The following ATP9A variants were observed in gnomAD, a reference collection of about 807,000 sequenced individuals.
The protein encoded by ATP9A is ATPase phospholipid transporting 9A.
ATP9A carries 52 observed loss-of-function variants against 144.1 expected under a neutral mutation model. The ratio of observed to expected loss-of-function variants is 0.36; its 90% CI spans 0.29 to 0.45. The LOEUF (loss-of-function observed/expected upper bound fraction) is 0.45, where lower values mean the gene tolerates loss of function less well. Ranked by LOEUF, ATP9A falls within the 20% of genes least tolerant of loss-of-function variation. The pLI, the probability that ATP9A is intolerant of heterozygous loss-of-function variation, is 1.00. For synonymous variants in ATP9A, 582 were observed against 557.4 expected (o/e 1.04, Z -0.62); for missense variants, 947 against 1,392.7 (o/e 0.68, Z 5.09).
At chr20:51,731,496 G>C (rs1468491479) in intron 1 of ATP9A, among the ~76,000 whole-genome samples, 1 of 151,548 alleles carries the variant, frequency 6.6e-6, no homozygotes, top group Admixed American at 6.6e-5. Context: ...GGCAGGCGGA[G>C]GTACCTGAGG....
intron 3 of ATP9A, among the ~76,000 whole-genome samples, chr20:51,717,548 T>C (rs774402543): frequency 6.6e-6 from 1 of 152,062 alleles, no homozygotes; most frequent in Non-Finnish European, 1.5e-5. Context: ...AGAAACAAGC[T>C]ATTAACCTGC....
intron 4 of ATP9A, among the ~76,000 whole-genome samples, chr20:51,702,638 G>C (rs1407491484): frequency 6.6e-6 from 1 of 152,006 alleles, no homozygotes; most frequent in Non-Finnish European, 1.5e-5. Flanking sequence ...AGTTAGAAGT[G>C]AGGAATCACT....
At chr20:51,687,266 C>T (rs1243161000) in intron 9 of ATP9A, among the ~76,000 whole-genome samples, 4 of 151,812 alleles carry the variant, frequency 2.6e-5, no homozygotes, top group African/African-American at 7.3e-5. Context: ...GACTGAGAGA[C>T]GTACCAAAGT....
At chr20:51,732,106 T>C (rs528820656) in intron 1 of ATP9A, among the ~76,000 whole-genome samples, 1 of 151,988 alleles carries the variant, frequency 6.6e-6, no homozygotes, top group African/African-American at 2.4e-5. Flanking sequence ...CACTCCCAGG[T>C]CACCCTCCCA....
rs117514608 is a variant in ATP9A at position 51,621,942 on chromosome 20, G to A, written c.2115+132C>T. 2,083 of 738,338 alleles carry A rather than the reference G, an allele frequency of 2.8e-3. 3 individuals are homozygous for A. The highest frequency in any genetic ancestry group is 4.3e-3 in the Non-Finnish European group (1,871 of 436,812). The allele number at this position is 738,338 out of a possible 1,614,324, so 45.7% of individuals were successfully genotyped here. ...ATTAATCATCCCATCCAAAGCAACC[G>A]TGGTTGATGCTCCCCACCCTAGGTA... is the stretch of plus-strand genomic sequence containing the variant. On this transcript the variant is annotated intron_variant, in intron 19 of 27. Transcript: ENST00000338821.
intron 10 of ATP9A, among the ~76,000 whole-genome samples, chr20:51,675,621 T>C (rs1035299646): frequency 6.6e-6 from 1 of 152,256 alleles, no homozygotes; most frequent in Non-Finnish European, 1.5e-5. Flanking sequence ...GGCTCACGCC[T>C]GTAATCCCAG....
chr20:51,758,091 G>C (rs2077864085), intron 1 of ATP9A, among the ~76,000 whole-genome samples: 2 of 152,014 alleles, frequency 1.3e-5, no homozygotes, highest in Non-Finnish European at 2.9e-5. Flanking sequence ...TCTTTAAATT[G>C]ACTGCCTTTT....
chr20:51,706,685 G>C (rs986773136), intron 4 of ATP9A, among the ~76,000 whole-genome samples: 2 of 152,334 alleles, frequency 1.3e-5, no homozygotes, highest in African/African-American at 2.4e-5. Flanking sequence ...GGGAGGTAGA[G>C]ACTGCAGTGA....
At position 51,671,097 on chromosome 20, in the gene ATP9A, T is replaced by A; in HGVS notation, c.1180+18A>T. 6.2e-7 allele frequency: 1 copy of A among 1,608,848 alleles called. No homozygotes were observed. Among genetic ancestry groups the A allele is most frequent in the Non-Finnish European group, 8.5e-7 (1 of 1,175,662 alleles). On this transcript the variant is annotated intron_variant, in intron 12 of 27. Coordinates refer to ENST00000338821, the MANE Select transcript of ATP9A (RefSeq NM_006045.3). ...TCTCTCACCAGGAATCCTGCGCAGG[T>A]CCCAGAAAGCAGCTCACCTGTCTTG...
intron 17 of ATP9A, among the ~76,000 whole-genome samples, 198 bp downstream of exon 17, chr20:51,627,402 A>G (rs1467413): frequency 0.45 from 67,786 of 151,984 alleles, 15,847 homozygotes; most frequent in East Asian, 0.68. Flanking sequence ...AGAAGCGAGG[A>G]AATGGGCCAT....
intron 9 of ATP9A, among the ~76,000 whole-genome samples, chr20:51,679,848 T>C (rs1364617899): frequency 1.3e-5 from 2 of 152,206 alleles, no homozygotes; most frequent in East Asian, 3.8e-4. Flanking sequence ...TTGGAAATTT[T>C]TATAGCAATT....
intron 3 of ATP9A, among the ~76,000 whole-genome samples, chr20:51,722,179 C>CA (rs2077692471): frequency 6.6e-6 from 1 of 151,782 alleles, no homozygotes; most frequent in South Asian, 2.1e-4. Context: ...TCATCTTATA[C>CA]AAAAAATCAA....
At chr20:51,745,958 GA>G (rs1432774528) in intron 1 of ATP9A, among the ~76,000 whole-genome samples, 4 of 152,128 alleles carry the variant, frequency 2.6e-5, no homozygotes, top group African/African-American at 9.7e-5. Flanking sequence ...ACTGGATAAA[GA>G]AAATGTAGTA....
chr20:51,760,924 G>A (rs2077877522), intron 1 of ATP9A, among the ~76,000 whole-genome samples: 1 of 151,988 alleles, frequency 6.6e-6, no homozygotes, highest in Non-Finnish European at 1.5e-5. Flanking sequence ...AGCTACTTGG[G>A]AGGCTGAAGC....
Position 51,627,681 on chromosome 20 carries a change from ACACTGAAAAATAGAC to A in ATP9A, c.1762-13_1763del. 6.2e-7 allele frequency: 1 copy of A among 1,614,132 alleles called. No homozygotes were observed. Among genetic ancestry groups the A allele is most frequent in the Non-Finnish European group, 8.5e-7 (1 of 1,179,994 alleles). On this transcript the variant is annotated splice_acceptor_variant and splice_polypyrimidine_tract_variant and coding_sequence_variant and intron_variant, in exon 17 of 28. Transcript: ENST00000338821. LOFTEE classifies it high-confidence loss of function. ...GCAGCCCTTCTCGGGCCATGTTGCC[ACACTGAAAAATAGAC>A]CACGGTCGAGTGGGAGCGGTGCTGA...
intron 4 of ATP9A, among the ~76,000 whole-genome samples, chr20:51,702,291 CAAA>C (rs568902724): frequency 0.41 from 41,122 of 101,218 alleles, 6,698 homozygotes; most frequent in African/African-American, 0.46. Flanking sequence ...GACTCTGTCT[CAAA>C]AAAAAAAAAA....
At chr20:51,640,743 T>C (rs1188211500) in intron 14 of ATP9A, among the ~76,000 whole-genome samples, 2 of 151,932 alleles carry the variant, frequency 1.3e-5, no homozygotes, top group Non-Finnish European at 2.9e-5. Flanking sequence ...TTGATACAAA[T>C]AGCAAAGAGG....
At chr20:51,697,597 C>A (rs554934785) in intron 4 of ATP9A, 115 bp from the exon 5 acceptor site, 39 of 884,872 alleles carry the variant, frequency 4.4e-5, no homozygotes, top group Admixed American at 3.1e-4. Context: ...CACGCTCCCA[C>A]ACACAGCTGC....
At chr20:51,712,856 G>T in intron 4 of ATP9A, 110 bp downstream of exon 4, 1 of 935,248 alleles carries the variant, frequency 1.1e-6, no homozygotes, top group Non-Finnish European at 1.7e-6. Flanking sequence ...CGACTGTTCC[G>T]CCACGTGGCA....
Sources: gnomAD v4.1 joint callset for allele counts (sites outside exome capture counted in the v4.1 genomes callset) on GRCh38, gnomAD v4.1.1 for gene constraint, MANE v1.5 for transcripts, NCBI Gene and HGNC (gene_info 2026-07-23, HGNC 2026-07-21) for gene names.